The following NRG3 variants were observed in gnomAD, a reference collection of about 807,000 sequenced individuals.
The protein encoded by NRG3 is neuregulin 3, also known as pro-neuregulin-3, membrane-bound isoform.
NRG3 carries 31 observed loss-of-function variants against 66.9 expected under a neutral mutation model. That is an observed-to-expected ratio of 0.46 (90% CI 0.35 to 0.63). The LOEUF is 0.63. Ranked by LOEUF, NRG3 falls within the 20% of genes least tolerant of loss-of-function variation. The pLI is 0.00. For synonymous variants in NRG3, 393 were observed against 359.4 expected, an observed-to-expected ratio of 1.09 and a Z score of -1.06; for missense variants, 910 against 878.9, an observed-to-expected ratio of 1.04 and a Z score of -0.45.
rs575885201 is a variant in NRG3 at position 82,384,702 on chromosome 10, C to T, written c.953+25834C>T. On this transcript the variant is annotated intron_variant, in intron 2 of 8. Coordinates refer to ENST00000372141, the MANE Select transcript of NRG3 (RefSeq NM_001010848.4). ...CATTGATGGTCATTTAGGTTGATTC[C>T]ATGTGTTTGTTATTGTGAGTAGTGA... 4.6e-5 allele frequency among the ~76,000 whole-genome samples: 7 copies of T among 152,096 alleles called. No individual in the cohort carries two copies. The East Asian group carries it at 1.4e-3, about 29-fold the overall frequency.
intron 2 of NRG3, among the ~76,000 whole-genome samples, chr10:82,708,589 G>C (rs2056464928): frequency 6.6e-6 from 1 of 152,028 alleles, no homozygotes; most frequent in South Asian, 2.1e-4. Context: ...ATCCAGTTAT[G>C]ATCATCCCAT....
intron 2 of NRG3, among the ~76,000 whole-genome samples, chr10:82,581,602 G>T (rs1224313230): frequency 6.6e-6 from 1 of 151,858 alleles, no homozygotes; most frequent in Non-Finnish European, 1.5e-5. Context: ...TGTTCTATGG[G>T]TATAGAGTTT....
At chr10:82,552,223 A>G (rs1312452067) in intron 2 of NRG3, among the ~76,000 whole-genome samples, 3 of 152,128 alleles carry the variant, frequency 2.0e-5, no homozygotes, top group Non-Finnish European at 1.5e-5. Context: ...CTCATCTCCT[A>G]TTTAGTTACC....
chr10:82,203,305 G>A (rs994819338), intron 1 of NRG3, among the ~76,000 whole-genome samples: 5 of 152,154 alleles, frequency 3.3e-5, no homozygotes, highest in Non-Finnish European at 5.9e-5. Context: ...TAAATGGACA[G>A]TAGGCTACAA....
At chr10:82,071,293 G>A (rs56155068) in intron 1 of NRG3, among the ~76,000 whole-genome samples, 8,000 of 152,222 alleles carry the variant, frequency 0.053, 716 homozygotes, top group African/African-American at 0.18. Flanking sequence ...GCATCAGATG[G>A]TGAGGAGTGC....
intron 2 of NRG3, among the ~76,000 whole-genome samples, chr10:82,581,352 C>A (rs544173434): frequency 6.6e-6 from 1 of 151,892 alleles, no homozygotes; most frequent in Non-Finnish European, 1.5e-5. Flanking sequence ...CAGACAGATA[C>A]GTGTTTTGCA....
intron 1 of NRG3, among the ~76,000 whole-genome samples, chr10:82,191,961 C>T (rs1173292164): frequency 6.6e-6 from 1 of 152,166 alleles, no homozygotes; most frequent in East Asian, 1.9e-4. Context: ...TGAACACTTT[C>T]CTTTCATTCT....
At position 82,738,610 on chromosome 10, in the gene NRG3, T is replaced by C. The variant is rs2058268883; in HGVS notation, c.987T>C (p.Asp329=). 11 of 1,614,180 alleles carry C rather than the reference T, an allele frequency of 6.8e-6. No individual in the cohort carries two copies. Among genetic ancestry groups the C allele is most frequent in the Non-Finnish European group, 5.9e-6 (7 of 1,180,000 alleles). Residue 329 remains aspartate, a synonymous_variant, in exon 3 of 9, where the codon GAT becomes GAC. Coordinates refer to ENST00000372141, the MANE Select transcript of NRG3 (RefSeq NM_001010848.4). The part of the protein sequence containing the change: ...CKEGYQGVRC[D]QFLPKTDSIL... ...AAGGCTACCAAGGAGTCCGTTGTGA[T>C]CAATTTCTGCCGAAAACTGATTCCA...
chr10:82,232,954 C>G, intron 1 of NRG3: 1 of 656,068 alleles, frequency 1.5e-6, no homozygotes, highest in Non-Finnish European at 2.8e-6. Context: ...TGCCTGGTAC[C>G]TGGCCCTGGG....
chr10:82,459,754 A>G (rs2091432364), intron 2 of NRG3, among the ~76,000 whole-genome samples: 1 of 152,234 alleles, frequency 6.6e-6, no homozygotes. Context: ...TCTGCCAGCC[A>G]TGATTCCCTG....
intron 1 of NRG3, among the ~76,000 whole-genome samples, chr10:82,267,902 C>G (rs796381381): frequency 4.9e-4 from 74 of 152,222 alleles, no homozygotes; most frequent in African/African-American, 1.7e-3. Flanking sequence ...GGACACCTGT[C>G]TTTTGAGAAT....
At chr10:82,457,827 G>A (rs918187869) in intron 2 of NRG3, among the ~76,000 whole-genome samples, 5 of 152,164 alleles carry the variant, frequency 3.3e-5, no homozygotes, top group Non-Finnish European at 7.4e-5. Flanking sequence ...GGAAAGTTCA[G>A]GACAAATTTG....
chr10:82,236,958 G>A (rs1194603753), intron 1 of NRG3, among the ~76,000 whole-genome samples: 8 of 151,948 alleles, frequency 5.3e-5, no homozygotes, highest in African/African-American at 1.9e-4. Flanking sequence ...CTTGTGGTCC[G>A]CCCACCTTGG....
At chr10:81,965,897 A>G (rs1221060667) in intron 1 of NRG3, among the ~76,000 whole-genome samples, 18 of 152,064 alleles carry the variant, frequency 1.2e-4, no homozygotes, top group Non-Finnish European at 1.5e-5. Context: ...TATTATTATT[A>G]TTTGGTGTAT....
chr10:82,535,273 A>G (rs1376131343), intron 2 of NRG3, among the ~76,000 whole-genome samples: 2 of 151,330 alleles, frequency 1.3e-5, no homozygotes, highest in East Asian at 1.9e-4. Context: ...ACACAAATAT[A>G]TATGTAATTT....
intron 1 of NRG3, among the ~76,000 whole-genome samples, chr10:82,196,000 C>G (rs2074427680): frequency 6.6e-6 from 1 of 152,202 alleles, no homozygotes; most frequent in South Asian, 2.1e-4. Flanking sequence ...GATGTCTGAC[C>G]TGCAGGACTG....
intron 2 of NRG3, among the ~76,000 whole-genome samples, chr10:82,547,012 A>G (rs1180814400): frequency 6.6e-6 from 1 of 152,170 alleles, no homozygotes; most frequent in African/African-American, 2.4e-5. Context: ...TTGGCACCGC[A>G]AAATATTTTC....
chr10:81,875,896 A>G lies in NRG3; in HGVS notation c.556A>G (p.Asn186Asp). The G allele has an allele frequency of 6.2e-7, 1 of 1,612,370 alleles. No individual in the cohort carries two copies. Among genetic ancestry groups the G allele is most frequent in the Non-Finnish European group, 8.5e-7 (1 of 1,179,924 alleles). The part of the protein sequence containing the change: ...RASPRSTTAR[N>D]TAAPATVPST... Reference sequence around the variant, plus strand: ...CAGCCCGCGCTCCACCACAGCACGGAACACTGCGGCCCCTGCGACGGTCCC... The same window carrying G: ...CAGCCCGCGCTCCACCACAGCACGGGACACTGCGGCCCCTGCGACGGTCCC... Residue 186 changes from asparagine to aspartate, a missense_variant, in exon 1 of 9, where the codon AAC becomes GAC. Asn to Asp is a conservative substitution (Grantham distance 23). Coordinates refer to ENST00000372141, the MANE Select transcript of NRG3 (RefSeq NM_001010848.4). The surrounding 1 kb of genome is among the most constrained non-coding windows in gnomAD (Gnocchi z 5.3).
intron 2 of NRG3, among the ~76,000 whole-genome samples, chr10:82,540,431 C>A (rs2043462470): frequency 6.6e-6 from 1 of 151,692 alleles, no homozygotes; most frequent in Admixed American, 6.6e-5. Context: ...TTTGGGGGGT[C>A]AGACAAATTA....
Sources: allele counts gnomAD v4.1 joint callset (sites outside exome capture counted in the v4.1 genomes callset), GRCh38; gene constraint gnomAD v4.1.1; non-coding constraint Gnocchi (gnomAD v3.1); transcripts MANE v1.5; gene names NCBI Gene and HGNC (gene_info 2026-07-23, HGNC 2026-07-21).